The following CCDC18 variants were observed in gnomAD, a reference collection of about 807,000 sequenced individuals.
The protein encoded by CCDC18 is coiled-coil domain-containing protein 18.
CCDC18 carries 157 observed loss-of-function variants against 196.0 expected under a neutral mutation model. The ratio of observed to expected loss-of-function variants is 0.80; its 90% CI spans 0.70 to 0.91. The LOEUF (loss-of-function observed/expected upper bound fraction) is 0.91. Ranked by LOEUF, CCDC18 falls within the 40% of genes least tolerant of loss-of-function variation. The pLI is 0.00. For missense variants in CCDC18, 1,465 were observed against 1,611.6 expected, an observed-to-expected ratio of 0.91 and a Z score of 1.56; for synonymous variants, 482 against 529.2, an observed-to-expected ratio of 0.91 and a Z score of 1.22.
At chr1:93,198,297 A>T (rs1241839863) in intron 6 of CCDC18, among the ~76,000 whole-genome samples, 1 of 152,260 alleles carries the variant, frequency 6.6e-6, no homozygotes, top group East Asian at 1.9e-4. Context: ...TCAGTAAAAA[A>T]GAGCAACTAC....
At position 93,232,503 on chromosome 1, in the gene CCDC18, G is replaced by A. The variant is rs1659391529; in HGVS notation, c.2370G>A (p.Gln790=). The change falls in exon 18 of 29, where the codon CAG becomes CAA. Residue 790 remains glutamine (Q), a synonymous_variant. Coordinates refer to ENST00000690025, the MANE Select transcript of CCDC18 (RefSeq NM_001378204.1). The part of the protein sequence containing the change: ...QETSEQNVIL[Q]HTLQQQQQML... Reference sequence around the variant, plus strand: ...CTTCTGAGCAAAACGTTATTCTACAGCATACTCTTCAGCAACAGCAGCAAA... The same window carrying A: ...CTTCTGAGCAAAACGTTATTCTACAACATACTCTTCAGCAACAGCAGCAAA... The A allele has an allele frequency of 6.2e-7, 1 of 1,612,302 alleles. No homozygotes were observed. Among genetic ancestry groups the A allele is most frequent in the Non-Finnish European group, 8.5e-7 (1 of 1,178,640 alleles).
At chr1:93,197,149 CA>C (rs992979853) in intron 6 of CCDC18, among the ~76,000 whole-genome samples, 9 of 151,448 alleles carry the variant, frequency 5.9e-5, no homozygotes, top group Non-Finnish European at 1.3e-4. Context: ...GAATGAACAT[CA>C]AAAGAAAATA....
intron 12 of CCDC18, 39 bp downstream of exon 12, chr1:93,215,005 G>T: frequency 7.8e-7 from 1 of 1,288,606 alleles, no homozygotes; most frequent in South Asian, 1.4e-5. Context: ...GTTAATTTTT[G>T]AACTAGAACA....
rs765304820 is a variant in CCDC18, at chr1:93,180,922, T to TG, written c.-3+75dup. On this transcript the variant is annotated intron_variant, in intron 1 of 28. Transcript: ENST00000690025. ...CTTGGCGTGGGGAAACCGGCTTACC[T>TG]GGGGGAGTTCTGTTCCTTTCCCTCC... 6 of 1,334,374 alleles carry TG rather than the reference T, an allele frequency of 4.5e-6. No individual in the cohort carries two copies. In the Admixed American group the frequency reaches 1.2e-4, roughly 26 times the overall value. The allele number at this position is 1,334,374 out of a possible 1,614,324, so 82.7% of individuals were successfully genotyped here.
intron 28 of CCDC18, 75 bp from the exon 29 acceptor site, chr1:93,278,388 A>G: frequency 1.8e-6 from 1 of 567,628 alleles, no homozygotes; most frequent in Non-Finnish European, 2.9e-6. Context: ...TACTCCTGTT[A>G]TTATGGTAGA....
Position 93,186,413 on chromosome 1 carries a change from G to A in CCDC18, c.372G>A (p.Arg124=). ...KSLREKLNKL[R]QQNACLVTQN... Reference sequence around the variant, plus strand: ...TTCGAGAGAAACTAAATAAACTTAGGCAACAGAATGCTTGTTTGGTCACAC... The same window carrying A: ...TTCGAGAGAAACTAAATAAACTTAGACAACAGAATGCTTGTTTGGTCACAC... The change falls in exon 4 of 29, where the codon AGG becomes AGA. Residue 124 remains arginine (R), a synonymous_variant. Transcript: ENST00000690025. 6.2e-7 allele frequency: 1 copy of A among 1,611,878 alleles called. No homozygotes were observed. The highest frequency in any genetic ancestry group is 8.5e-7 in the Non-Finnish European group (1 of 1,178,564).
intron 3 of CCDC18, among the ~76,000 whole-genome samples, chr1:93,186,092 T>C (rs1650626911): frequency 6.6e-6 from 1 of 151,920 alleles, no homozygotes; most frequent in Non-Finnish European, 1.5e-5. Context: ...TATTCAACTT[T>C]GCTGGATAAT....
At position 93,258,811 on chromosome 1, in the gene CCDC18, GAAGC is replaced by G. The variant is rs1259444073; in HGVS notation, c.3614_3617del (p.Ala1205GlufsTer13). 1 of 1,597,502 alleles carries G rather than the reference GAAGC, an allele frequency of 6.3e-7. No homozygotes were observed. The highest frequency in any genetic ancestry group is 1.8e-5 in the Admixed American group (1 of 57,092). On this transcript the variant is annotated frameshift_variant, in exon 26 of 29. Coordinates refer to ENST00000690025, the MANE Select transcript of CCDC18 (RefSeq NM_001378204.1). LOFTEE classifies it high-confidence loss of function. ...TTCTAAAGTACGTGAAGCTCATTTAGAAGCAAGAATGCAAGCAGAAATCAAGAAA... is the reference window on the plus strand; with the variant it reads ...TTCTAAAGTACGTGAAGCTCATTTAGAAGAATGCAAGCAGAAATCAAGAAA...
intron 13 of CCDC18, among the ~76,000 whole-genome samples, chr1:93,217,399 A>T: frequency 6.6e-6 from 1 of 152,184 alleles, no homozygotes; most frequent in East Asian, 1.9e-4. Flanking sequence ...ATGGAGTATG[A>T]CATATTTAAT....
Position 93,254,596 on chromosome 1 carries a change from G to T in CCDC18, c.3324G>T (p.Arg1108Ser), listed in dbSNP as rs61729705. 27,827 of 1,610,326 alleles carry T rather than the reference G, an allele frequency of 0.017. 3,804 individuals carry two copies. The African/African-American group carries it at 0.31, about 18-fold the overall frequency. ...AAGAAATTGAAAGAACACAACAAAGGATGAAAGAAATGGAGAGTGTAAGCA... is the reference window on the plus strand; with the variant it reads ...AAGAAATTGAAAGAACACAACAAAGTATGAAAGAAATGGAGAGTGTAAGCA... ...LKKEIERTQQ[R>S]MKEMESVMKE... Residue 1108 changes from arginine to serine, a missense_variant, in exon 24 of 29, where the codon AGG becomes AGT. Coordinates refer to ENST00000690025, the MANE Select transcript of CCDC18 (RefSeq NM_001378204.1).
rs1329753986 is a variant in CCDC18 at position 93,256,377 on chromosome 1, G to A, written c.3385G>A (p.Glu1129Lys). The change falls in exon 25 of 29, where the codon GAG (glutamate) becomes AAG (lysine). Residue 1129 changes from glutamate (E) to lysine (K), a missense_variant. Physicochemically the swap from Glu to Lys is moderately conservative, Grantham distance 56. Coordinates refer to ENST00000690025, the MANE Select transcript of CCDC18 (RefSeq NM_001378204.1). ...ACAGTACATTGCCACTCAGTACAAG[G>A]AGGCCATAGATTTGGGGCAAGAATT... ...QEQYIATQYK[E>K]AIDLGQELRL... 1 of 1,613,968 alleles carries A rather than the reference G, an allele frequency of 6.2e-7. No individual in the cohort carries two copies. The highest frequency in any genetic ancestry group is 8.5e-7 in the Non-Finnish European group (1 of 1,180,000).
At chr1:93,270,840 G>A (rs757137419) in intron 28 of CCDC18, 26 bp downstream of exon 28, 31 of 1,372,906 alleles carry the variant, frequency 2.3e-5, no homozygotes, top group Non-Finnish European at 2.9e-5. Context: ...ACTGTAAACT[G>A]TAATAATTTG....
At chr1:93,183,239 T>A in intron 1 of CCDC18, 121 bp from the exon 2 acceptor site, 1 of 680,584 alleles carries the variant, frequency 1.5e-6, no homozygotes, top group Non-Finnish European at 2.3e-6. Context: ...TAAACCACCA[T>A]GAAAGATTTC....
intron 6 of CCDC18, among the ~76,000 whole-genome samples, chr1:93,200,348 A>AG (rs966900742): frequency 9.2e-5 from 14 of 151,676 alleles, no homozygotes; most frequent in African/African-American, 3.4e-4. Context: ...AAAAAAAAAA[A>AG]AGCGAGAACA....
At chr1:93,201,273 G>T (rs1017459501) in intron 6 of CCDC18, among the ~76,000 whole-genome samples, 5 of 152,108 alleles carry the variant, frequency 3.3e-5, no homozygotes, top group African/African-American at 1.2e-4. Flanking sequence ...ATATTTTTAG[G>T]TGTGAGAGTG....
chr1:93,184,653 A>G (rs1162624249), intron 3 of CCDC18, among the ~76,000 whole-genome samples: 2 of 151,718 alleles, frequency 1.3e-5, no homozygotes. Context: ...CCCTGCATTT[A>G]TCCCTCTTCC....
intron 18 of CCDC18, among the ~76,000 whole-genome samples, chr1:93,235,889 G>A (rs1660008649): frequency 6.6e-6 from 1 of 152,156 alleles, no homozygotes; most frequent in South Asian, 2.1e-4. Flanking sequence ...TTGAGGTCAT[G>A]TGGAAATCTA....
Position 93,234,783 on chromosome 1 carries a change from C to CTTGTT in CCDC18, c.2461-1451_2461-1447dup, listed in dbSNP as rs112240098. ...GAGGGGTGGATATTAATGGGGTTTTCTTGTTTTGTTTTGTTTTGAGACCGG... is the reference window on the plus strand; with the variant it reads ...GAGGGGTGGATATTAATGGGGTTTTCTTGTTTTGTTTTGTTTTGTTTTGAGACCGG... On this transcript the variant is annotated intron_variant, in intron 18 of 28. Transcript: ENST00000690025. Among the ~76,000 whole-genome samples, 793 of 149,776 alleles carry CTTGTT rather than the reference C, an allele frequency of 5.3e-3. 9 individuals carry two copies. The highest frequency in any genetic ancestry group is 0.019 in the African/African-American group (752 of 40,202).
chr1:93,190,031 G>A (rs1325226265), intron 4 of CCDC18, among the ~76,000 whole-genome samples: 2 of 152,126 alleles, frequency 1.3e-5, no homozygotes, highest in Admixed American at 6.5e-5. Context: ...TATTTTGGCT[G>A]TCATACTTTT....
Sources: allele counts gnomAD v4.1 joint callset (sites outside exome capture counted in the v4.1 genomes callset), GRCh38; gene constraint gnomAD v4.1.1; transcripts MANE v1.5; gene names NCBI Gene and HGNC (gene_info 2026-07-23, HGNC 2026-07-21).